The following TBC1D1 variants were observed in gnomAD, a reference collection of about 807,000 sequenced individuals.
TBC1D1 encodes the protein TBC1 domain family member 1, also known as TBC1 (tre-2/USP6, BUB2, cdc16) domain family, member 1.
TBC1D1 carries 89 observed loss-of-function variants against 125.6 expected under a neutral mutation model. The ratio of observed to expected loss-of-function variants is 0.71; its 90% CI spans 0.60 to 0.85. The LOEUF is 0.85. TBC1D1 is among the 40% of genes least tolerant of loss of function. The pLI, the probability that TBC1D1 is intolerant of heterozygous loss-of-function variation, is 0.00. For missense variants in TBC1D1, 1,377 were observed against 1,469.2 expected, an observed-to-expected ratio of 0.94 and a Z score of 1.03; for synonymous variants, 565 against 564.1, an observed-to-expected ratio of 1.00 and a Z score of -0.02.
chr4:37,894,867 G>A (rs10452134), intron 1 of TBC1D1, among the ~76,000 whole-genome samples: 2,883 of 152,292 alleles, frequency 0.019, 94 homozygotes, highest in African/African-American at 0.066. Flanking sequence ...GATATCATCT[G>A]TGAGAAACAA....
intron 2 of TBC1D1, among the ~76,000 whole-genome samples, chr4:38,003,012 T>C (rs1209636536): frequency 6.6e-6 from 1 of 152,220 alleles, no homozygotes; most frequent in Non-Finnish European, 1.5e-5. Context: ...ATTTAGCCCT[T>C]ACAGAAAAGT....
At chr4:37,992,455 G>T (rs1578183895) in intron 2 of TBC1D1, among the ~76,000 whole-genome samples, 1 of 151,560 alleles carries the variant, frequency 6.6e-6, no homozygotes, top group South Asian at 2.1e-4. Context: ...GAATGAGCTT[G>T]ATGTGGATAT....
In TBC1D1 at chr4:38,050,043, T is replaced by C. The variant is rs1030676429; in HGVS notation, c.1910+145T>C. ...GGAGATAAAACTGGAAGCAGTGACA[T>C]GTTCGTTCGAGCTGCTTGTGAGTAT... On this transcript the variant is annotated intron_variant, in intron 11 of 19. Transcript: ENST00000261439. The C allele has an allele frequency of 6.4e-6, 6 of 938,734 alleles. No individual in the cohort carries two copies. The African/African-American group carries it at 9.9e-5, about 16-fold the overall frequency. The allele number at this position is 938,734 out of a possible 1,614,324, so 58.2% of individuals were successfully genotyped here. A position where few individuals can be genotyped will look rare whatever the true frequency, so the allele number is the denominator to read the frequency against.
intron 15 of TBC1D1, among the ~76,000 whole-genome samples, chr4:38,111,022 T>C (rs1762112686): frequency 6.6e-6 from 1 of 152,260 alleles, no homozygotes; most frequent in Non-Finnish European, 1.5e-5. Context: ...TGTGAGGGGC[T>C]GAGTGTGTTC....
intron 11 of TBC1D1, among the ~76,000 whole-genome samples, chr4:38,050,159 TA>T (rs1750236699): frequency 6.6e-6 from 1 of 152,114 alleles, no homozygotes. Flanking sequence ...TCAAACAAAG[TA>T]AGAGACGTTG....
chr4:37,973,276 C>G (rs1190702357), intron 2 of TBC1D1, among the ~76,000 whole-genome samples: 1 of 152,142 alleles, frequency 6.6e-6, no homozygotes, highest in Non-Finnish European at 1.5e-5. Flanking sequence ...GAGCCTCTAC[C>G]CTGGATGTGT....
At chr4:38,099,586 C>G (rs915693587) in intron 14 of TBC1D1, among the ~76,000 whole-genome samples, 1 of 152,290 alleles carries the variant, frequency 6.6e-6, no homozygotes, top group East Asian at 1.9e-4. Flanking sequence ...ATACCTCTTG[C>G]ATTTCAGAGG....
intron 6 of TBC1D1, among the ~76,000 whole-genome samples, chr4:38,024,678 A>G (rs2152440895): frequency 6.6e-6 from 1 of 152,352 alleles, no homozygotes; most frequent in Admixed American, 6.5e-5. Context: ...AGTGCTAGTT[A>G]TTACATAAAC....
chr4:37,919,527 A>G (rs920506525), intron 2 of TBC1D1, among the ~76,000 whole-genome samples: 5 of 151,928 alleles, frequency 3.3e-5, no homozygotes, highest in African/African-American at 9.7e-5. Context: ...CTATGCAGTT[A>G]ACTACTGGGA....
intron 2 of TBC1D1, among the ~76,000 whole-genome samples, chr4:38,008,987 G>A (rs1168343109): frequency 6.6e-6 from 1 of 152,124 alleles, no homozygotes. Context: ...GTTTACCTGT[G>A]TCCTATCTAG....
At chr4:38,104,060 C>T (rs893122064) in intron 15 of TBC1D1, among the ~76,000 whole-genome samples, 3 of 147,094 alleles carry the variant, frequency 2.0e-5, no homozygotes, top group African/African-American at 7.5e-5. Flanking sequence ...CGCAGGAGGC[C>T]GAGGCAGGAG....
intron 2 of TBC1D1, among the ~76,000 whole-genome samples, chr4:37,978,546 T>G (rs1278480052): frequency 6.6e-6 from 1 of 152,212 alleles, no homozygotes; most frequent in African/African-American, 2.4e-5. Flanking sequence ...GAATACCTGT[T>G]TGTGAGCAGG....
intron 11 of TBC1D1, among the ~76,000 whole-genome samples, chr4:38,051,167 C>G (rs1488720420): frequency 6.6e-6 from 1 of 152,170 alleles, no homozygotes; most frequent in Non-Finnish European, 1.5e-5. Context: ...GTTGATAGGA[C>G]TTAGTATCAG....
rs1313800943 is a variant in TBC1D1 at position 37,977,780 on chromosome 4, C to T, written c.418-36729C>T. Among the ~76,000 whole-genome samples the T allele has an allele frequency of 4.6e-5, 7 of 152,246 alleles. No individual in the cohort carries two copies. The highest frequency in any genetic ancestry group is 1.7e-4 in the African/African-American group (7 of 41,566). On this transcript the variant is annotated intron_variant, in intron 2 of 19. Transcript: ENST00000261439. The surrounding 1 kb of genome is among the most constrained non-coding windows in gnomAD (Gnocchi z 4.3). The stretch of plus-strand genomic sequence containing the variant: ...GGGAGACTGAGGCTGTACTCGGGGA[C>T]CCCTGCGGGAGCCCGAACCCAGCAG...
At chr4:37,893,617 G>A (rs1475364836) in intron 1 of TBC1D1, among the ~76,000 whole-genome samples, 5 of 152,132 alleles carry the variant, frequency 3.3e-5, no homozygotes, top group African/African-American at 9.7e-5. Context: ...TCAGGAGTTC[G>A]AGACCAGCCT....
chr4:38,031,253 A>C (rs1346573494), intron 7 of TBC1D1, among the ~76,000 whole-genome samples: 2 of 152,236 alleles, frequency 1.3e-5, no homozygotes, highest in African/African-American at 4.8e-5. Flanking sequence ...GAATGACTTA[A>C]TTAAATACTG....
intron 11 of TBC1D1, among the ~76,000 whole-genome samples, chr4:38,053,767 T>G (rs1258252182): frequency 6.6e-6 from 1 of 152,228 alleles, no homozygotes; most frequent in Admixed American, 6.5e-5. Context: ...AAATTGCAAG[T>G]TTTTTCATTT....
intron 3 of TBC1D1, 67 bp downstream of exon 3, chr4:38,015,040 A>G (rs886583154): frequency 1.5e-6 from 2 of 1,342,712 alleles, no homozygotes; most frequent in African/African-American, 1.5e-5. Context: ...AATCTGCTTT[A>G]TGGAGCGAAG....
Position 37,914,071 on chromosome 4 carries a change from T to G in TBC1D1, c.417+11559T>G, listed in dbSNP as rs1012580589. Among the ~76,000 whole-genome samples, 7 of 152,312 alleles carry G rather than the reference T, an allele frequency of 4.6e-5. No homozygotes were observed. In the South Asian group the frequency reaches 1.5e-3, roughly 32 times the overall value. On this transcript the variant is annotated intron_variant, in intron 2 of 19. Coordinates refer to ENST00000261439, the MANE Select transcript of TBC1D1 (RefSeq NM_015173.4). Reference sequence around the variant, plus strand: ...TCTTCTTTGCTTCTACCTCTTCTTCTCAATTCTGATTTTTATGTCCCCTGA... The same window carrying G: ...TCTTCTTTGCTTCTACCTCTTCTTCGCAATTCTGATTTTTATGTCCCCTGA...
Sources: gnomAD v4.1 joint callset for allele counts (sites outside exome capture counted in the v4.1 genomes callset) on GRCh38, gnomAD v4.1.1 for gene constraint, Gnocchi (gnomAD v3.1) non-coding constraint, MANE v1.5 for transcripts, NCBI Gene and HGNC (gene_info 2026-07-23, HGNC 2026-07-21) for gene names.